USP34: variants seen among roughly 807,000 people sequenced by gnomAD.
The protein encoded by USP34 is ubiquitin specific peptidase 34, also known as ubiquitin carboxyl-terminal hydrolase 34.
Under a neutral mutation model 460.3 loss-of-function variants are expected in USP34, and 70 were observed. The observed-to-expected ratio is 0.15, with a 90% CI of 0.13 to 0.19. USP34 has a LOEUF of 0.19. Ranked by LOEUF, USP34 falls within the 10% of genes least tolerant of loss-of-function variation. The pLI, the probability that USP34 is intolerant of heterozygous loss-of-function variation, is 1.00. For synonymous variants in USP34, 1,647 were observed against 1,405.3 expected, an observed-to-expected ratio of 1.17 and a Z score of -3.85; for missense variants, 3,985 against 4,236.2, an observed-to-expected ratio of 0.94 and a Z score of 1.65.
intron 20 of USP34, among the ~76,000 whole-genome samples, chr2:61,329,249 C>T (rs777024898): frequency 9.9e-5 from 15 of 151,960 alleles, no homozygotes; most frequent in African/African-American, 1.2e-4. Flanking sequence ...TGGTCCGGAA[C>T]TCCCAACCTC....
In USP34 at chr2:61,300,981, G is replaced by C. The variant is rs760962271; in HGVS notation, c.4098C>G (p.Pro1366=). 3 of 1,612,832 alleles carry C rather than the reference G, an allele frequency of 1.9e-6. No homozygotes were observed. The highest frequency in any genetic ancestry group is 2.2e-5 in the East Asian group (1 of 44,874). The part of the protein sequence containing the change: ...LLEMLASFKP[P]SGKVAVDDSE... ...TATCATCCACTGCCACTTTTCCTGA[G>C]GGTGGTTTAAATGATGCAAGCATCT... Residue 1366 remains proline, a synonymous_variant, in exon 29 of 80, where the codon CCC becomes CCG. Coordinates refer to ENST00000398571, the MANE Select transcript of USP34 (RefSeq NM_014709.4).
chr2:61,197,703 T>C (rs1280599046), intron 75 of USP34, among the ~76,000 whole-genome samples: 1 of 152,192 alleles, frequency 6.6e-6, no homozygotes, highest in Non-Finnish European at 1.5e-5. Flanking sequence ...GCTCAAGTGA[T>C]CCTCCTGCCT....
At chr2:61,344,059 T>G (rs370416249) in intron 15 of USP34, 30 bp from the exon 16 acceptor site, 1 of 1,597,010 alleles carries the variant, frequency 6.3e-7, no homozygotes, top group Admixed American at 1.7e-5. Context: ...ACAAAGTTAG[T>G]AATTACGAAT....
chr2:61,195,726 T>C (rs1171193753), intron 75 of USP34, among the ~76,000 whole-genome samples: 1 of 152,040 alleles, frequency 6.6e-6, no homozygotes, highest in Non-Finnish European at 1.5e-5. Context: ...ACAGAGACCT[T>C]GTGGCCTGTG....
intron 76 of USP34, among the ~76,000 whole-genome samples, chr2:61,192,072 C>T (rs1177171760): frequency 2.0e-5 from 3 of 152,170 alleles, no homozygotes; most frequent in Non-Finnish European, 4.4e-5. Flanking sequence ...GGATGGCAAA[C>T]ATCTAGGAGA....
At position 61,236,873 on chromosome 2, in the gene USP34, C is replaced by T. The variant is rs142370460; in HGVS notation, c.6778-484G>A. Reference sequence around the variant, plus strand: ...GTTTTTGTCTTCATCTGTCTGAATACCTTAAATATGACTTACATTTTTGTC... The same window carrying T: ...GTTTTTGTCTTCATCTGTCTGAATATCTTAAATATGACTTACATTTTTGTC... On this transcript the variant is annotated intron_variant, in intron 53 of 79. Coordinates refer to ENST00000398571, the MANE Select transcript of USP34 (RefSeq NM_014709.4). Among the ~76,000 whole-genome samples the T allele has an allele frequency of 1.4e-3, 214 of 152,224 alleles. No homozygotes were observed. The Middle Eastern group carries it at 0.017, about 12-fold the overall frequency.
At chr2:61,440,140 G>C (rs1190830157) in intron 1 of USP34, among the ~76,000 whole-genome samples, 1 of 152,080 alleles carries the variant, frequency 6.6e-6, no homozygotes, top group Non-Finnish European at 1.5e-5. Flanking sequence ...CGTCCCTCCC[G>C]AGCACTCATC....
intron 10 of USP34, among the ~76,000 whole-genome samples, chr2:61,359,995 G>A (rs1250301337): frequency 6.6e-6 from 1 of 151,938 alleles, no homozygotes. Flanking sequence ...ATGTTGGCCA[G>A]GCTGGTCTTG....
At chr2:61,461,728 A>G (rs1695606283) in intron 1 of USP34, among the ~76,000 whole-genome samples, 1 of 152,198 alleles carries the variant, frequency 6.6e-6, no homozygotes, top group Admixed American at 6.6e-5. Context: ...GACTACGACT[A>G]AAAGATCAAT....
At chr2:61,371,154 T>A (rs879346031) in intron 8 of USP34, among the ~76,000 whole-genome samples, 35 of 152,062 alleles carry the variant, frequency 2.3e-4, no homozygotes, top group Admixed American at 2.3e-3. Flanking sequence ...TCCCATAAGA[T>A]TAAAAGTGAC....
chr2:61,371,114 C>T (rs528349356), intron 8 of USP34, among the ~76,000 whole-genome samples: 1 of 152,118 alleles, frequency 6.6e-6, no homozygotes, highest in South Asian at 2.1e-4. Flanking sequence ...CAATGGCAGA[C>T]CAAAGGATGG....
chr2:61,336,811 A>C (rs1691433366), intron 18 of USP34, among the ~76,000 whole-genome samples: 2 of 60,324 alleles, frequency 3.3e-5, no homozygotes, highest in African/African-American at 1.3e-4. Flanking sequence ...CTCCATCTCA[A>C]AAAAAAAAAA....
intron 10 of USP34, among the ~76,000 whole-genome samples, chr2:61,363,374 G>A (rs2103818026): frequency 6.6e-6 from 1 of 152,240 alleles, no homozygotes; most frequent in South Asian, 2.1e-4. Context: ...GATCTTGTGT[G>A]GCTTCAGGAT....
At chr2:61,352,304 A>G in intron 10 of USP34, among the ~76,000 whole-genome samples, 1 of 152,074 alleles carries the variant, frequency 6.6e-6, no homozygotes, top group East Asian at 1.9e-4. Flanking sequence ...ACACATATAT[A>G]CATGTTTATA....
intron 1 of USP34, among the ~76,000 whole-genome samples, chr2:61,437,259 G>C (rs949509212): frequency 6.6e-6 from 1 of 151,930 alleles, no homozygotes; most frequent in Non-Finnish European, 1.5e-5. Context: ...CATTTGAAAA[G>C]ATAAACAAAA....
intron 5 of USP34, among the ~76,000 whole-genome samples, chr2:61,394,278 C>G (rs1357891627): frequency 1.3e-5 from 2 of 151,950 alleles, no homozygotes; most frequent in Non-Finnish European, 2.9e-5. Flanking sequence ...TAATAGTAAC[C>G]TAGGCAAGCA....
intron 1 of USP34, among the ~76,000 whole-genome samples, chr2:61,434,176 T>C (rs1051491743): frequency 1.1e-4 from 16 of 152,200 alleles, no homozygotes; most frequent in African/African-American, 3.6e-4. Context: ...CTAGCACCTC[T>C]GCCCCATGTA....
intron 68 of USP34, among the ~76,000 whole-genome samples, chr2:61,212,722 A>G (rs894662529): frequency 6.6e-6 from 1 of 152,206 alleles, no homozygotes; most frequent in Non-Finnish European, 1.5e-5. Flanking sequence ...GAAAATTTCT[A>G]ATAGATAAGG....
At chr2:61,387,956 CACAT>C (rs1389687961) in intron 5 of USP34, among the ~76,000 whole-genome samples, 18 of 141,340 alleles carry the variant, frequency 1.3e-4, no homozygotes, top group East Asian at 5.9e-4. Context: ...CACACACACA[CACAT>C]ATATATATAT....
Sources: gnomAD v4.1 joint callset for allele counts (sites outside exome capture counted in the v4.1 genomes callset) on GRCh38, gnomAD v4.1.1 for gene constraint, MANE v1.5 for transcripts, NCBI Gene and HGNC (gene_info 2026-07-23, HGNC 2026-07-21) for gene names.